ARMC5: variants seen among roughly 807,000 people sequenced by gnomAD.
The protein encoded by ARMC5 is armadillo repeat containing 5, also known as armadillo repeat-containing protein 5.
Under a neutral mutation model 60.5 loss-of-function variants are expected in ARMC5, and 28 were observed. That is an observed-to-expected ratio of 0.46 (90% confidence interval 0.34 to 0.63). The LOEUF (loss-of-function observed/expected upper bound fraction) is 0.63. Among genes scored for constraint, ARMC5 ranks in the 30% least tolerant of loss-of-function variants. The pLI is 0.01. For missense variants in ARMC5, 1,189 were observed against 1,304.9 expected (o/e 0.91, Z 1.37); for synonymous variants, 680 against 607.3 (o/e 1.12, Z -1.76).
At chr16:31,465,259 T>A in intron 4 of ARMC5, 1 of 1,527,420 alleles carries the variant, frequency 6.5e-7, no homozygotes, top group Non-Finnish European at 8.8e-7. Flanking sequence ...CCCCCAGCAC[T>A]GCCAGGGACT....
chr16:31,458,308 T>C, upstream of ARMC5: 2 of 1,223,804 alleles, frequency 1.6e-6, no homozygotes, highest in East Asian at 5.1e-5. Context: ...CGGTAAGGCT[T>C]TTAGCGGTGT....
chr16:31,458,569 C>A, upstream of ARMC5: 1 of 1,496,306 alleles, frequency 6.7e-7, no homozygotes, highest in Middle Eastern at 1.7e-4. Context: ...TGTGGTCAGT[C>A]CACATTTCCG....
rs374645127 is a variant in ARMC5, at chr16:31,464,655, C to T, written c.1632C>T (p.Thr544=). The change falls in exon 4 of 6, where the codon ACC becomes ACT. Residue 544 remains threonine, a synonymous_variant. Coordinates refer to ENST00000268314, the MANE Select transcript of ARMC5 (RefSeq NM_001105247.2). This position sits in a 1 kb window ranked among gnomAD's most constrained non-coding sequence, Gnocchi z 7.6. ...CTGACCCAAGTGGGGCACTTGTGAC[C>T]GGCCCGGCGCTGTACGGCCTGCTGA... ...QAPDPSGALV[T]GPALYGLLTY... 50 of 1,598,046 alleles carry T rather than the reference C, an allele frequency of 3.1e-5. No homozygotes were observed. Among genetic ancestry groups the T allele is most frequent in the African/African-American group, 1.7e-4 (13 of 74,866 alleles).
upstream of ARMC5, chr16:31,458,559 T>A: frequency 6.6e-7 from 1 of 1,513,322 alleles, no homozygotes; most frequent in Middle Eastern, 1.7e-4. Context: ...GGAGGCAGGC[T>A]GTGGTCAGTC....
upstream of ARMC5, chr16:31,458,717 C>A: frequency 6.9e-7 from 1 of 1,457,034 alleles, no homozygotes. Context: ...GGAGCCACCT[C>A]GCAATCCAGG....
In ARMC5 at chr16:31,462,261, A is replaced by G; in HGVS notation, c.714A>G (p.Ala238=). ...GCCTGGCCTTGGCACAGCAGGGAGC[A>G]GTGCGTCCGCTGGCCGAGCTCCTGG... ...QHRLALAQQG[A]VRPLAELLAT... is the part of the protein sequence containing the mutation. Residue 238 remains alanine (A), a synonymous_variant, in exon 3 of 6, where the codon GCA becomes GCG. Coordinates refer to ENST00000268314, the MANE Select transcript of ARMC5 (RefSeq NM_001105247.2). The surrounding 1 kb of genome is among the most constrained non-coding windows in gnomAD (Gnocchi z 7.2). 6.2e-7 allele frequency: 1 copy of G among 1,609,746 alleles called. No individual in the cohort carries two copies.
intron 1 of ARMC5, 41 bp downstream of exon 1, chr16:31,460,040 C>T (rs201551861): frequency 1.3e-6 from 2 of 1,588,274 alleles, no homozygotes; most frequent in Non-Finnish European, 8.5e-7. Context: ...ATTAGGTTTG[C>T]AACTCCCTTG....
intron 4 of ARMC5, chr16:31,465,228 T>C: frequency 6.4e-7 from 1 of 1,550,480 alleles, no homozygotes; most frequent in South Asian, 1.2e-5. Flanking sequence ...CGCTGACCTG[T>C]GAACCCCAGC....
At chr16:31,458,524 C>G (rs2082266656), upstream of ARMC5, 2 of 1,532,982 alleles carry the variant, frequency 1.3e-6, no homozygotes, top group African/African-American at 1.4e-5. Flanking sequence ...ACCAGAGGGG[C>G]TGCCTTGGTG....
At chr16:31,461,174 G>C (rs1414529568) in intron 1 of ARMC5, among the ~76,000 whole-genome samples, 2 of 152,144 alleles carry the variant, frequency 1.3e-5, no homozygotes, top group African/African-American at 4.8e-5. Context: ...AGCTGGGTTG[G>C]TTCAAGCTAT....
intron 4 of ARMC5, chr16:31,465,151 G>A: frequency 3.7e-6 from 6 of 1,611,690 alleles, no homozygotes; most frequent in Non-Finnish European, 5.1e-6. Context: ...CAGGATCTGG[G>A]CTGGTCTGTG....
At chr16:31,458,346 A>C, upstream of ARMC5, 1 of 1,488,178 alleles carries the variant, frequency 6.7e-7, no homozygotes, top group Admixed American at 2.0e-5. Flanking sequence ...ATCAGGTTGG[A>C]GCTGACGCTG....
At position 31,462,396 on chromosome 16, in the gene ARMC5, G is replaced by C. The variant is rs200562018; in HGVS notation, c.849G>C (p.Leu283Phe). 6.2e-7 allele frequency: 1 copy of C among 1,609,530 alleles called. No individual in the cohort carries two copies. The highest frequency in any genetic ancestry group is 8.5e-7 in the Non-Finnish European group (1 of 1,177,312). ...AGCAGCTAAGTCTGGGTGGGGGATT[G>C]GGCCCACTCGTCAGCCTGGCTTCCC... ...CAEQLSLGGGLGPLVSLASHP... is the reference protein window; with the variant it reads ...CAEQLSLGGGFGPLVSLASHP... Residue 283 changes from leucine (L) to phenylalanine (F), a missense_variant, in exon 3 of 6, where the codon TTG (leucine) becomes TTC (phenylalanine). Physicochemically the swap from Leu to Phe is conservative, Grantham distance 22 (BLOSUM62 0). Transcript: ENST00000268314. This position sits in a 1 kb window ranked among gnomAD's most constrained non-coding sequence, Gnocchi z 7.2.
chr16:31,464,390 G>A lies in ARMC5; in HGVS notation c.1371-4G>A, dbSNP rs1039677011. ...CAGTCTCCTTCCCTTTCTGCCCTCCGCAGGTCGTGGCTGATCTCCGAGGGC... is the reference window on the plus strand; with the variant it reads ...CAGTCTCCTTCCCTTTCTGCCCTCCACAGGTCGTGGCTGATCTCCGAGGGC... On this transcript the variant is annotated splice_polypyrimidine_tract_variant and splice_region_variant and intron_variant, in intron 3 of 5. Coordinates refer to ENST00000268314, the MANE Select transcript of ARMC5 (RefSeq NM_001105247.2). This position sits in a 1 kb window ranked among gnomAD's most constrained non-coding sequence, Gnocchi z 7.6. The A allele has an allele frequency of 1.0e-5, 15 of 1,488,216 alleles. No homozygotes were observed. Among genetic ancestry groups the A allele is most frequent in the Admixed American group, 2.3e-5 (1 of 43,482 alleles). 92.2% of individuals were successfully genotyped at this position (1,488,216 alleles called of 1,614,324 possible).
At chr16:31,458,810 G>T (rs2082269986), upstream of ARMC5, 2 of 1,530,556 alleles carry the variant, frequency 1.3e-6, no homozygotes, top group Non-Finnish European at 8.7e-7. Context: ...GCCTCTTCTG[G>T]CGCGGCCGAC....
Position 31,466,695 on chromosome 16 carries a change from G to A in ARMC5, c.2614G>A (p.Val872Met). The stretch of plus-strand genomic sequence containing the variant: ...GGGTGGCCCGGAGTCAGTGGGTGAG[G>A]TGTTCCGCCTGGGCCGGCCCCGGCT... ...PQGGPESVGEVFRLGRPRLAA... is the reference protein window; with the variant it reads ...PQGGPESVGEMFRLGRPRLAA... The change falls in exon 6 of 6, where the codon GTG becomes ATG. Residue 872 changes from valine to methionine, a missense_variant. This residue lies in a region of ARMC5 where 862 missense variants were observed against 1,071.2 expected (regional missense o/e 0.80). Coordinates refer to ENST00000268314, the MANE Select transcript of ARMC5 (RefSeq NM_001105247.2). The surrounding 1 kb of genome is among the most constrained non-coding windows in gnomAD (Gnocchi z 8.0). 2 of 1,568,244 alleles carry A rather than the reference G, an allele frequency of 1.3e-6. No homozygotes were observed. The highest frequency in any genetic ancestry group is 1.7e-4 in the Middle Eastern group (1 of 5,912).
In ARMC5 at chr16:31,461,950, C is replaced by T. The variant is rs777537288; in HGVS notation, c.504C>T (p.Asp168=). 2 of 1,614,206 alleles carry T rather than the reference C, an allele frequency of 1.2e-6. No individual in the cohort carries two copies. Among genetic ancestry groups the T allele is most frequent in the East Asian group, 4.5e-5 (2 of 44,878 alleles). ...LVTILQCMKT[D]SIQNRTARAL... Reference sequence around the variant, plus strand: ...CCATTCTTCAGTGCATGAAGACAGACAGCATCCAGAACCGAACGGCCCGTG... The same window carrying T: ...CCATTCTTCAGTGCATGAAGACAGATAGCATCCAGAACCGAACGGCCCGTG... The change falls in exon 2 of 6, where the codon GAC becomes GAT. Residue 168 remains aspartate (D), a synonymous_variant. Transcript: ENST00000268314.
upstream of ARMC5, chr16:31,458,314 G>GGT: frequency 7.9e-7 from 1 of 1,268,946 alleles, no homozygotes; most frequent in Non-Finnish European, 1.1e-6. Context: ...GGCTTTTAGC[G>GGT]GTGTGAGCGC....
chr16:31,465,302 T>C (rs1297571580), intron 4 of ARMC5: 2 of 1,461,944 alleles, frequency 1.4e-6, no homozygotes, highest in Admixed American at 2.6e-5. Context: ...CACAGGCTGC[T>C]TCATGGCGTT....
Sources: gnomAD v4.1 joint callset for allele counts (sites outside exome capture counted in the v4.1 genomes callset) on GRCh38, gnomAD v4.1.1 for gene constraint, gnomAD v4.1.1 regional missense constraint, Gnocchi (gnomAD v3.1) non-coding constraint, MANE v1.5 for transcripts, NCBI Gene and HGNC (gene_info 2026-07-23, HGNC 2026-07-21) for gene names.